Variants in TMEFF2 observed in about 807,000 individuals in gnomAD.
TMEFF2 encodes tomoregulin-2.
Under a neutral mutation model 53.8 loss-of-function variants are expected in TMEFF2, and 28 were observed. The ratio of observed to expected loss-of-function variants is 0.52; its 90% confidence interval spans 0.39 to 0.71. TMEFF2 has a LOEUF of 0.71. TMEFF2 is among the 30% of genes least tolerant of loss of function. TMEFF2 has a pLI of 0.00. For synonymous variants in TMEFF2, 162 were observed against 166.3 expected (o/e 0.97, Z 0.20); for missense variants, 353 against 455.2 (o/e 0.78, Z 2.04).
chr2:192,088,112 G>A (rs184470261), intron 4 of TMEFF2, among the ~76,000 whole-genome samples: 26 of 152,174 alleles, frequency 1.7e-4, no homozygotes, highest in Admixed American at 7.2e-4. Context: ...TGAGAAAACA[G>A]TTTCTTTGTA....
At position 192,044,214 on chromosome 2, in the gene TMEFF2, T is replaced by C. The variant is rs1182557140; in HGVS notation, c.536+13465A>G. 6.6e-5 allele frequency: 10 copies of C among 152,182 alleles called. 1 individual carries two copies. Among genetic ancestry groups the C allele is most frequent in the Admixed American group, 6.5e-4 (10 of 15,284 alleles). 9.4% of individuals were successfully genotyped at this position (152,182 alleles called of 1,614,324 possible). The stretch of plus-strand genomic sequence containing the variant: ...GCAGGAATCTTTATCACCTTTCCCT[T>C]CCAAAAGATATCACACTAGTCTATT... On this transcript the variant is annotated intron_variant, in intron 5 of 9. Transcript: ENST00000272771.
intron 5 of TMEFF2, among the ~76,000 whole-genome samples, chr2:192,026,765 G>A (rs1298496007): frequency 6.6e-6 from 1 of 152,200 alleles, no homozygotes; most frequent in East Asian, 1.9e-4. Flanking sequence ...AGAAGTGAAA[G>A]CTTATGCATT....
chr2:191,951,136 CGTGTGTAT>C (rs1691864497), intron 9 of TMEFF2, among the ~76,000 whole-genome samples: 2 of 151,260 alleles, frequency 1.3e-5, no homozygotes, highest in Non-Finnish European at 2.9e-5. Context: ...ATATATATCA[CGTGTGTAT>C]ATGTGGGTTT....
At chr2:192,115,678 T>C (rs563119921) in intron 4 of TMEFF2, among the ~76,000 whole-genome samples, 1 of 152,064 alleles carries the variant, frequency 6.6e-6, no homozygotes, top group East Asian at 1.9e-4. Context: ...AATCAAAATA[T>C]GGGCAAAGGC....
intron 3 of TMEFF2, among the ~76,000 whole-genome samples, chr2:192,181,852 T>C (rs367555957): frequency 1.3e-5 from 2 of 151,824 alleles, no homozygotes; most frequent in East Asian, 1.9e-4. Context: ...AGGAATAGTT[T>C]AGAAAAATGA....
chr2:192,084,493 A>C (rs940190706), intron 4 of TMEFF2, among the ~76,000 whole-genome samples: 1 of 152,230 alleles, frequency 6.6e-6, no homozygotes, highest in Non-Finnish European at 1.5e-5. Flanking sequence ...TTTTAAAAAG[A>C]AGAACGGACC....
At position 191,991,165 on chromosome 2, in the gene TMEFF2, A is replaced by AATT. The variant is rs538971580; in HGVS notation, c.745+7096_745+7097insAAT. Among the ~76,000 whole-genome samples, 532 of 152,242 alleles carry AATT rather than the reference A, an allele frequency of 3.5e-3. 5 individuals are homozygous for AATT. The highest frequency in any genetic ancestry group is 6.9e-3 in the Admixed American group (105 of 15,264). On this transcript the variant is annotated intron_variant, in intron 7 of 9. Coordinates refer to ENST00000272771, the MANE Select transcript of TMEFF2 (RefSeq NM_016192.4). ...CGTGTTAATGTGCTGAAAACTTATA[A>AATT]ATAAGTATTCAATAAATATTTCTTT... is the stretch of plus-strand genomic sequence containing the variant.
At chr2:192,170,280 C>T (rs1690875063) in intron 4 of TMEFF2, among the ~76,000 whole-genome samples, 2 of 152,012 alleles carry the variant, frequency 1.3e-5, no homozygotes, top group Admixed American at 6.6e-5. Context: ...ATTCTACTTG[C>T]CAAAGGTCAT....
At chr2:192,060,387 T>A (rs1345265306) in intron 4 of TMEFF2, among the ~76,000 whole-genome samples, 1 of 152,198 alleles carries the variant, frequency 6.6e-6, no homozygotes, top group Non-Finnish European at 1.5e-5. Flanking sequence ...GTAGAAAGAA[T>A]AGCACTGTGT....
At chr2:192,001,492 C>T (rs1045712605) in intron 5 of TMEFF2, among the ~76,000 whole-genome samples, 6 of 151,924 alleles carry the variant, frequency 3.9e-5, no homozygotes, top group Non-Finnish European at 7.4e-5. Context: ...AGTTCAGAAA[C>T]CCATTTGATA....
chr2:191,990,448 G>A (rs900504724), intron 7 of TMEFF2, among the ~76,000 whole-genome samples: 9 of 14,764 alleles, frequency 6.1e-4, no homozygotes, highest in Non-Finnish European at 7.5e-4. Flanking sequence ...GTTTTTGTTC[G>A]AAATGGCTTA....
intron 4 of TMEFF2, among the ~76,000 whole-genome samples, chr2:192,122,981 A>G (rs1265380038): frequency 6.6e-6 from 1 of 152,208 alleles, no homozygotes; most frequent in Non-Finnish European, 1.5e-5. Context: ...TCTGAGCTCT[A>G]TAGCAGCCAT....
intron 4 of TMEFF2, among the ~76,000 whole-genome samples, chr2:192,111,260 G>T (rs1689269633): frequency 1.3e-5 from 2 of 152,168 alleles, no homozygotes; most frequent in South Asian, 4.1e-4. Flanking sequence ...ACTTCCTAGA[G>T]ACTTGTTGAA....
intron 5 of TMEFF2, among the ~76,000 whole-genome samples, chr2:192,015,686 T>C (rs1413020515): frequency 1.3e-5 from 2 of 152,158 alleles, no homozygotes; most frequent in Admixed American, 1.3e-4. Flanking sequence ...CTGAAAACAT[T>C]TGAAATGTGA....
intron 4 of TMEFF2, among the ~76,000 whole-genome samples, chr2:192,094,086 T>C (rs181482944): frequency 5.4e-4 from 82 of 152,304 alleles, no homozygotes; most frequent in African/African-American, 1.8e-3. Flanking sequence ...ATGTGGTTAC[T>C]TTTGGATGTA....
rs569030896 is a variant in TMEFF2 at position 192,169,022 on chromosome 2, G to T, written c.439+10646C>A. The stretch of plus-strand genomic sequence containing the variant: ...GCACATGCCATCACACCTGAATTAA[G>T]CACACTTTTTGTTGTTAGTATTAAT... On this transcript the variant is annotated intron_variant, in intron 4 of 9. Transcript: ENST00000272771. Among the ~76,000 whole-genome samples, 5 of 152,044 alleles carry T rather than the reference G, an allele frequency of 3.3e-5. No individual in the cohort carries two copies. In the South Asian group the frequency reaches 6.2e-4, roughly 19 times the overall value.
intron 7 of TMEFF2, among the ~76,000 whole-genome samples, chr2:191,970,445 G>A (rs1363306879): frequency 6.6e-6 from 1 of 151,826 alleles, no homozygotes; most frequent in African/African-American, 2.4e-5. Flanking sequence ...GGAAGGGCAA[G>A]GGAAGACGCA....
chr2:192,123,266 A>G (rs1689600831), intron 4 of TMEFF2, among the ~76,000 whole-genome samples: 1 of 152,120 alleles, frequency 6.6e-6, no homozygotes, highest in Non-Finnish European at 1.5e-5. Flanking sequence ...ACATTTAGTT[A>G]TCTTGTGCTG....
intron 7 of TMEFF2, among the ~76,000 whole-genome samples, chr2:191,978,677 C>T (rs1364359088): frequency 2.0e-5 from 3 of 152,080 alleles, no homozygotes; most frequent in Non-Finnish European, 4.4e-5. Context: ...AGGGCCAGGG[C>T]AGGCTTTGGT....
Sources: gnomAD v4.1 joint callset for allele counts (sites outside exome capture counted in the v4.1 genomes callset) on GRCh38, gnomAD v4.1.1 for gene constraint, MANE v1.5 for transcripts, NCBI Gene and HGNC (gene_info 2026-07-23, HGNC 2026-07-21) for gene names.